The following KALRN variants were observed in gnomAD, a reference collection of about 807,000 sequenced individuals.
KALRN encodes the protein kalirin.
In KALRN, 70 loss-of-function variants were observed where a neutral mutation model predicts 353.7. The observed-to-expected ratio is 0.20, with a 90% CI of 0.16 to 0.24. The LOEUF (loss-of-function observed/expected upper bound fraction) is 0.24, where lower values mean the gene tolerates loss of function less well. Ranked by LOEUF, KALRN falls within the 10% of genes least tolerant of loss-of-function variation. The pLI is 1.00. For synonymous variants in KALRN, 1,391 were observed against 1,434.8 expected, an observed-to-expected ratio of 0.97 and a Z score of 0.69; for missense variants, 2,791 against 3,756.7, an observed-to-expected ratio of 0.74 and a Z score of 6.72.
rs550628200 is a variant in KALRN at position 124,160,053 on chromosome 3, C to A, written c.74-67937C>A. Among the ~76,000 whole-genome samples the A allele has an allele frequency of 3.3e-5, 5 of 151,634 alleles. No individual in the cohort carries two copies. The East Asian group carries it at 7.8e-4, about 24-fold the overall frequency. Reference sequence around the variant, plus strand: ...TGGGTGTACTGAGTTGAATAAATGTCCCTTGAAAGTTCATATCTATCTGAA... The same window carrying A: ...TGGGTGTACTGAGTTGAATAAATGTACCTTGAAAGTTCATATCTATCTGAA... On this transcript the variant is annotated intron_variant, in intron 1 of 59. Transcript: ENST00000682506.
At chr3:124,166,906 C>T (rs2070949510) in intron 1 of KALRN, among the ~76,000 whole-genome samples, 1 of 151,886 alleles carries the variant, frequency 6.6e-6, no homozygotes, top group African/African-American at 2.4e-5. Flanking sequence ...TTAGCCAGTC[C>T]TGGTGGTATG....
intron 1 of KALRN, among the ~76,000 whole-genome samples, chr3:124,203,783 G>C (rs1363196353): frequency 6.6e-6 from 1 of 152,122 alleles, no homozygotes; most frequent in Non-Finnish European, 1.5e-5. Context: ...CCCTCCAAAG[G>C]TAGCTAACAA....
chr3:124,490,913 A>T, intron 30 of KALRN, 29 bp downstream of exon 30: 1 of 1,579,482 alleles, frequency 6.3e-7, no homozygotes, highest in Non-Finnish European at 8.6e-7. Flanking sequence ...GTAAGACAAG[A>T]CTCCCTGCTT....
At chr3:124,219,971 G>A (rs2077713549) in intron 1 of KALRN, among the ~76,000 whole-genome samples, 1 of 151,416 alleles carries the variant, frequency 6.6e-6, no homozygotes, top group African/African-American at 2.4e-5. Context: ...TTGAGATGGA[G>A]TCTCCCTCTG....
At chr3:124,317,266 A>G (rs1031621229) in intron 6 of KALRN, among the ~76,000 whole-genome samples, 9 of 152,222 alleles carry the variant, frequency 5.9e-5, no homozygotes, top group Admixed American at 2.6e-4. Context: ...CATTTATGGC[A>G]AAGTAAAACA....
intron 34 of KALRN, among the ~76,000 whole-genome samples, chr3:124,578,918 G>T (rs752665450): frequency 1.3e-5 from 2 of 152,176 alleles, no homozygotes; most frequent in African/African-American, 2.4e-5. Flanking sequence ...CCATGATCAC[G>T]GCTCACCAAG....
chr3:124,070,469 A>G (rs771823783), intron 1 of KALRN, among the ~76,000 whole-genome samples: 1 of 152,114 alleles, frequency 6.6e-6, no homozygotes, highest in Non-Finnish European at 1.5e-5. Context: ...CATGGTCTTT[A>G]TGAGTCTGTA....
intron 1 of KALRN, chr3:124,095,700 C>T (rs1033515535): frequency 6.6e-6 from 1 of 152,186 alleles, no homozygotes; most frequent in African/African-American, 2.4e-5. Flanking sequence ...TAATGTGACA[C>T]AAATCCAGAT....
At chr3:124,598,175 G>A (rs1578235480) in intron 34 of KALRN, among the ~76,000 whole-genome samples, 2 of 152,204 alleles carry the variant, frequency 1.3e-5, no homozygotes, top group African/African-American at 4.8e-5. Context: ...GGATTCTGGG[G>A]GAAATCAGCT....
At chr3:124,143,486 G>GA (rs1191890567) in intron 1 of KALRN, among the ~76,000 whole-genome samples, 1 of 152,166 alleles carries the variant, frequency 6.6e-6, no homozygotes, top group Non-Finnish European at 1.5e-5. Flanking sequence ...TCCTGGATTT[G>GA]AATCCCAGCT....
chr3:124,404,930 C>T (rs78150451), intron 13 of KALRN, among the ~76,000 whole-genome samples: 2,574 of 152,166 alleles, frequency 0.017, 85 homozygotes, highest in Admixed American at 0.075. Context: ...CTGTTCTCCA[C>T]GTTTGTAACA....
intron 25 of KALRN, among the ~76,000 whole-genome samples, chr3:124,473,319 G>A (rs2061122240): frequency 6.6e-6 from 1 of 152,140 alleles, no homozygotes; most frequent in Non-Finnish European, 1.5e-5. Flanking sequence ...TTTATATCGT[G>A]TATCCTTTAA....
chr3:124,700,834 C>T (rs2062288317), intron 56 of KALRN, among the ~76,000 whole-genome samples: 1 of 152,126 alleles, frequency 6.6e-6, no homozygotes, highest in Admixed American at 6.5e-5. Context: ...CCCTCTAAAT[C>T]ACCTCTGCCC....
chr3:124,342,610 C>T (rs368345022), intron 9 of KALRN, among the ~76,000 whole-genome samples: 2 of 152,138 alleles, frequency 1.3e-5, no homozygotes, highest in African/African-American at 2.4e-5. Context: ...TTTGGTATTC[C>T]GTTTTATTAT....
At chr3:124,389,369 C>T (rs967839175) in intron 11 of KALRN, among the ~76,000 whole-genome samples, 17 of 152,202 alleles carry the variant, frequency 1.1e-4, no homozygotes, top group Admixed American at 7.9e-4. Context: ...CAACTTTCCA[C>T]ATCAAAAGAT....
intron 1 of KALRN, among the ~76,000 whole-genome samples, chr3:124,143,293 T>C (rs4678088): frequency 0.38 from 57,089 of 152,066 alleles, 11,089 homozygotes; most frequent in East Asian, 0.47. Flanking sequence ...ATGGTGGATG[T>C]GTTTCCCTCT....
intron 12 of KALRN, chr3:124,395,639 A>G (rs2090070079): frequency 7.8e-6 from 3 of 386,344 alleles, no homozygotes; most frequent in Non-Finnish European, 1.4e-5. Context: ...CAAAAGTAAA[A>G]AATAATTAAG....
intron 1 of KALRN, among the ~76,000 whole-genome samples, chr3:124,118,860 T>C (rs1325170510): frequency 6.6e-6 from 1 of 152,222 alleles, no homozygotes. Flanking sequence ...CTATCTCACT[T>C]GAGTCTTTCA....
chr3:124,323,856 C>G (rs893299110), intron 6 of KALRN, among the ~76,000 whole-genome samples: 1 of 152,202 alleles, frequency 6.6e-6, no homozygotes, highest in Non-Finnish European at 1.5e-5. Flanking sequence ...AATGTCCCAC[C>G]TATATGGCCT....
Sources: allele counts gnomAD v4.1 joint callset (sites outside exome capture counted in the v4.1 genomes callset), GRCh38; gene constraint gnomAD v4.1.1; transcripts MANE v1.5; gene names NCBI Gene and HGNC (gene_info 2026-07-23, HGNC 2026-07-21).